SOX6: variants seen among roughly 807,000 people sequenced by gnomAD.
SOX6 encodes the protein transcription factor SOX-6.
In SOX6, 11 loss-of-function variants were observed where a neutral mutation model predicts 97.8. That is an observed-to-expected ratio of 0.11 (90% confidence interval 0.07 to 0.19). The LOEUF is 0.19. Among genes scored for constraint, SOX6 ranks in the 10% least tolerant of loss-of-function variants. SOX6 has a pLI of 1.00. For missense variants in SOX6, 810 were observed against 1,039.5 expected (o/e 0.78, Z 3.04); for synonymous variants, 360 against 371.4 (o/e 0.97, Z 0.35).
intron 13 of SOX6, among the ~76,000 whole-genome samples, chr11:16,002,751 C>T (rs767542720): frequency 6.6e-6 from 1 of 152,110 alleles, no homozygotes; most frequent in Non-Finnish European, 1.5e-5. Flanking sequence ...TGGTAAAAAG[C>T]TGGTAGACTG....
chr11:16,571,655 GTTGT>G (rs1029241061), intron 4 of SOX6, among the ~76,000 whole-genome samples: 43 of 151,798 alleles, frequency 2.8e-4, no homozygotes, highest in Admixed American at 2.6e-3. Flanking sequence ...TGTTATTGTG[GTTGT>G]TTGTTTTTTT....
chr11:16,684,064 G>C lies in SOX6; in HGVS notation n.429+30766C>G, dbSNP rs578076225. On this transcript the variant is annotated intron_variant and non_coding_transcript_variant, in intron 3 of 5. Transcript: ENST00000524520. Reference sequence around the variant, plus strand: ...ACCATCTCACACCAGTTAGAATGGTGATCATTAAAAAGTCAGGAAACAACA... The same window carrying C: ...ACCATCTCACACCAGTTAGAATGGTCATCATTAAAAAGTCAGGAAACAACA... 3.1e-3 allele frequency among the ~76,000 whole-genome samples: 476 copies of C among 152,258 alleles called. 4 individuals carry two copies. Among genetic ancestry groups the C allele is most frequent in the African/African-American group, 0.011 (449 of 41,556 alleles).
intron 9 of SOX6, among the ~76,000 whole-genome samples, chr11:16,065,250 A>G (rs1290312254): frequency 1.3e-5 from 2 of 152,062 alleles, no homozygotes; most frequent in Non-Finnish European, 2.9e-5. Flanking sequence ...GAAATTAAAA[A>G]GTAATGCCAC....
chr11:16,302,239 A>G (rs1330951856), intron 3 of SOX6, among the ~76,000 whole-genome samples: 5 of 152,188 alleles, frequency 3.3e-5, no homozygotes, highest in African/African-American at 4.8e-5. Context: ...TATGTCGATC[A>G]TCCTCCTACT....
chr11:16,731,320 T>G (rs935251377), intron 2 of SOX6, among the ~76,000 whole-genome samples: 1 of 152,214 alleles, frequency 6.6e-6, no homozygotes, highest in Non-Finnish European at 1.5e-5. Context: ...CCAATATCCC[T>G]GATGAACATC....
chr11:16,118,688 T>C (rs1849414019), intron 6 of SOX6, among the ~76,000 whole-genome samples: 1 of 152,212 alleles, frequency 6.6e-6, no homozygotes, highest in Admixed American at 6.5e-5. Flanking sequence ...GGCAGAGACC[T>C]GGCTATGTGC....
At chr11:16,217,170 C>T (rs1456062183) in intron 4 of SOX6, among the ~76,000 whole-genome samples, 1 of 152,086 alleles carries the variant, frequency 6.6e-6, no homozygotes, top group Non-Finnish European at 1.5e-5. Context: ...CGGACATAAA[C>T]TTCAGGGTCT....
intron 2 of SOX6, among the ~76,000 whole-genome samples, chr11:16,319,140 T>A (rs1166729025): frequency 6.6e-6 from 1 of 152,200 alleles, no homozygotes; most frequent in Non-Finnish European, 1.5e-5. Context: ...TTAGCTTCAG[T>A]AGCCAATGTT....
chr11:16,420,812 T>C (rs2134610), intron 1 of SOX6, among the ~76,000 whole-genome samples: 30,787 of 152,074 alleles, frequency 0.2, 3,374 homozygotes, highest in Admixed American at 0.32. Context: ...TTGCTTGATT[T>C]ATCCCACATT....
At chr11:16,656,328 G>A (rs969533708) in intron 3 of SOX6, among the ~76,000 whole-genome samples, 5 of 151,966 alleles carry the variant, frequency 3.3e-5, no homozygotes, top group South Asian at 2.1e-4. Context: ...CGCCCACCTC[G>A]GCCTCCCAAA....
At chr11:16,140,273 C>T (rs1286848207) in intron 6 of SOX6, among the ~76,000 whole-genome samples, 1 of 152,066 alleles carries the variant, frequency 6.6e-6, no homozygotes, top group Non-Finnish European at 1.5e-5. Context: ...CACAATTGGT[C>T]CTGCTTAATG....
intron 4 of SOX6, among the ~76,000 whole-genome samples, chr11:16,190,993 T>C (rs564336052): frequency 1.1e-3 from 170 of 152,226 alleles, no homozygotes; most frequent in African/African-American, 3.9e-3. Context: ...TTTTTTTATC[T>C]TAAAAAAATT....
rs11023851 is a variant in SOX6 at position 16,132,335 on chromosome 11, G to A, written c.778-20412C>T. ...GGAAGGAAGGAAGGAAGGAAGGAAAGAAAAAAGAAAGAAAGAAAGAAAGAA... is the reference window on the plus strand; with the variant it reads ...GGAAGGAAGGAAGGAAGGAAGGAAAAAAAAAAGAAAGAAAGAAAGAAAGAA... On this transcript the variant is annotated intron_variant, in intron 6 of 15. Coordinates refer to ENST00000683767, the MANE Select transcript of SOX6 (RefSeq NM_001367873.1). 1.1e-3 allele frequency among the ~76,000 whole-genome samples: 74 copies of A among 65,024 alleles called. 2 individuals carry two copies. Among genetic ancestry groups the A allele is most frequent in the African/African-American group, 1.9e-3 (31 of 16,096 alleles). The allele number at this position is 65,024 out of a possible 152,430, so 42.7% of individuals were successfully genotyped here.
chr11:16,321,045 G>A (rs2134306646), intron 2 of SOX6, among the ~76,000 whole-genome samples: 1 of 152,150 alleles, frequency 6.6e-6, no homozygotes, highest in East Asian at 1.9e-4. Context: ...TCTTTTAGAT[G>A]CCAGTCATGG....
chr11:16,478,407 T>C (rs1374788641), upstream of SOX6, among the ~76,000 whole-genome samples: 1 of 152,200 alleles, frequency 6.6e-6, no homozygotes, highest in Non-Finnish European at 1.5e-5. Context: ...TGAATTAAGA[T>C]CTCTAACTCT....
chr11:16,485,229 C>T (rs1860408632), intron 4 of SOX6, among the ~76,000 whole-genome samples: 1 of 151,992 alleles, frequency 6.6e-6, no homozygotes, highest in Non-Finnish European at 1.5e-5. Context: ...AAGAATAATT[C>T]AATAAGAGCT....
chr11:16,428,718 G>A (rs1859206792), intron 1 of SOX6, among the ~76,000 whole-genome samples: 1 of 152,082 alleles, frequency 6.6e-6, no homozygotes, highest in South Asian at 2.1e-4. Context: ...ATGCTGTTTT[G>A]GTTACTGTAG....
intron 1 of SOX6, among the ~76,000 whole-genome samples, chr11:16,352,257 T>C (rs1350048363): frequency 7.3e-6 from 1 of 137,432 alleles, no homozygotes; most frequent in Non-Finnish European, 1.5e-5. Context: ...AGATGATGGA[T>C]GGATGGATGG....
chr11:16,500,996 T>C (rs1420290594), intron 4 of SOX6, among the ~76,000 whole-genome samples: 2 of 152,204 alleles, frequency 1.3e-5, no homozygotes, highest in Admixed American at 6.5e-5. Flanking sequence ...GAGCCCACAT[T>C]GCCAAGTCAA....
Sources: allele counts gnomAD v4.1 joint callset (sites outside exome capture counted in the v4.1 genomes callset), GRCh38; gene constraint gnomAD v4.1.1; transcripts MANE v1.5; gene names NCBI Gene and HGNC (gene_info 2026-07-23, HGNC 2026-07-21).